The following ZNF254 variants were observed in gnomAD, a reference collection of about 807,000 sequenced individuals.
ZNF254 encodes the protein CTD-2017D11.1.
ZNF254 carries 10 observed loss-of-function variants against 12.4 expected under a neutral mutation model. The observed-to-expected ratio is 0.80, with a 90% CI of 0.50 to 1.36. ZNF254 has a LOEUF of 1.36. Among genes scored for constraint, ZNF254 ranks in the 40% most tolerant of loss-of-function variants. ZNF254 has a pLI of 0.00. For synonymous variants in ZNF254, 305 were observed against 253.4 expected, an observed-to-expected ratio of 1.20 and a Z score of -1.93; for missense variants, 996 against 763.9, an observed-to-expected ratio of 1.30 and a Z score of -3.58.
intron 1 of ZNF254, among the ~76,000 whole-genome samples, chr19:24,103,063 A>G (rs537524982): frequency 6.6e-6 from 1 of 152,320 alleles, no homozygotes; most frequent in African/African-American, 2.4e-5. Flanking sequence ...CTTAATAAAC[A>G]TTGCATTAAT....
At chr19:24,116,575 G>A (rs965278882) in intron 3 of ZNF254, among the ~76,000 whole-genome samples, 1 of 151,684 alleles carries the variant, frequency 6.6e-6, no homozygotes, top group African/African-American at 2.4e-5. Flanking sequence ...CTCTATATTG[G>A]TTATTCTAGG....
chr19:24,057,190 T>G (rs1320228421), intron 2 of ZNF254, among the ~76,000 whole-genome samples: 1 of 152,224 alleles, frequency 6.6e-6, no homozygotes, highest in East Asian at 1.9e-4. Context: ...TTGTGATTTA[T>G]GTATGCACAC....
intron 2 of ZNF254, chr19:24,080,198 C>CA (rs1971799095): frequency 6.6e-6 from 1 of 152,164 alleles, no homozygotes; most frequent in South Asian, 2.1e-4. Flanking sequence ...CCACAAGTTG[C>CA]AGGTCTTGGT....
At chr19:24,065,562 C>T (rs56024829) in intron 2 of ZNF254, 22,585 of 152,148 alleles carry the variant, frequency 0.15, 1,935 homozygotes, top group Middle Eastern at 0.23. Flanking sequence ...TAATTCATTA[C>T]TGGACATTCC....
intron 3 of ZNF254, chr19:24,107,480 T>C (rs1448382188): frequency 3.1e-6 from 1 of 319,062 alleles, no homozygotes; most frequent in Admixed American, 5.0e-5. Flanking sequence ...TTTCCTCTAT[T>C]TTATCAGATA....
At chr19:24,047,458 G>A (rs575421710) in intron 2 of ZNF254, among the ~76,000 whole-genome samples, 1 of 151,588 alleles carries the variant, frequency 6.6e-6, no homozygotes, top group Admixed American at 6.6e-5. Flanking sequence ...TAGTAGAGAC[G>A]AGGCCTCGCT....
rs1287266615 is a variant in ZNF254, at chr19:24,126,335, A to G, written c.335A>G (p.Tyr112Cys). 6.2e-7 allele frequency: 1 copy of G among 1,607,792 alleles called. No homozygotes were observed. Among genetic ancestry groups the G allele is most frequent in the Admixed American group, 1.7e-5 (1 of 59,296 alleles). The stretch of plus-strand genomic sequence containing the variant: ...TTTCAAAAAGCAATACTGAGAAGAT[A>G]TGGAAAATATGGACATGAGAATTTA... ...DSFQKAILRRYGKYGHENLQL... is the reference protein window; with the variant it reads ...DSFQKAILRRCGKYGHENLQL... The change falls in exon 4 of 4, where the codon TAT becomes TGT. Residue 112 changes from tyrosine (Y) to cysteine (C), a missense_variant. Coordinates refer to ENST00000357002, the MANE Select transcript of ZNF254 (RefSeq NM_203282.4).
At chr19:24,077,577 A>C (rs1039748496) in intron 2 of ZNF254, among the ~76,000 whole-genome samples, 10 of 152,222 alleles carry the variant, frequency 6.6e-5, no homozygotes, top group African/African-American at 2.4e-4. Flanking sequence ...GGGATGTTCC[A>C]AGCATCAGCT....
In ZNF254 at chr19:24,127,326, A is replaced by G. The variant is rs779781684; in HGVS notation, c.1326A>G (p.Ala442=). ...ACAAGTGTGAAGAATGTGGCAAAGCATTTATCTGGTCCTCAACCCTTACTA... is the reference window on the plus strand; with the variant it reads ...ACAAGTGTGAAGAATGTGGCAAAGCGTTTATCTGGTCCTCAACCCTTACTA... ...KPYKCEECGK[A]FIWSSTLTKH... Residue 442 remains alanine (A), a synonymous_variant, in exon 4 of 4, where the codon GCA becomes GCG. Transcript: ENST00000357002. 49 of 1,611,458 alleles carry G rather than the reference A, an allele frequency of 3.0e-5. No individual in the cohort carries two copies. Among genetic ancestry groups the G allele is most frequent in the Non-Finnish European group, 4.2e-5 (49 of 1,179,206 alleles).
intron 1 of ZNF254, among the ~76,000 whole-genome samples, chr19:24,035,567 G>A (rs1599558209): frequency 6.6e-6 from 1 of 152,118 alleles, no homozygotes; most frequent in African/African-American, 2.4e-5. Context: ...CAGCTATTCG[G>A]GAAGCTGAGG....
chr19:24,103,102 A>C (rs1973129313), intron 1 of ZNF254, among the ~76,000 whole-genome samples: 1 of 152,234 alleles, frequency 6.6e-6, no homozygotes, highest in South Asian at 2.1e-4. Context: ...TTCCAAATGC[A>C]GACTTACTCA....
intron 1 of ZNF254, among the ~76,000 whole-genome samples, chr19:24,041,048 C>G (rs551304045): frequency 5.3e-5 from 8 of 152,340 alleles, no homozygotes; most frequent in Admixed American, 2.6e-4. Flanking sequence ...ATATGCACAT[C>G]GAAGCTTGAG....
chr19:24,034,877 G>C (rs371119306), intron 1 of ZNF254, among the ~76,000 whole-genome samples: 1 of 148,470 alleles, frequency 6.7e-6, no homozygotes, highest in Non-Finnish European at 1.5e-5. Context: ...TCCGCCTCCC[G>C]GGTTCAAGCG....
At chr19:24,045,683 A>AT (rs1363937814) in intron 1 of ZNF254, among the ~76,000 whole-genome samples, 11 of 143,182 alleles carry the variant, frequency 7.7e-5, no homozygotes, top group African/African-American at 2.8e-4. Context: ...AAAAAAAAAA[A>AT]AAAAGGAAAT....
At position 24,126,780 on chromosome 19, in the gene ZNF254, T is replaced by G. The variant is rs1974882215; in HGVS notation, c.780T>G (p.His260Gln). ...CCCTTACTACACATGAAATAATTCA[T>G]GCTGGAGAGAAACTCTACAAATGTG... is the stretch of plus-strand genomic sequence containing the variant. ...LSTLTTHEII[H>Q]AGEKLYKCEE... Residue 260 changes from histidine to glutamine, a missense_variant, in exon 4 of 4, where the codon CAT (histidine) becomes CAG (glutamine). Physicochemically the swap from His to Gln is conservative, Grantham distance 24 (BLOSUM62 0). Transcript: ENST00000357002. 9 of 1,613,248 alleles carry G rather than the reference T, an allele frequency of 5.6e-6. No individual in the cohort carries two copies. The highest frequency in any genetic ancestry group is 2.2e-5 in the South Asian group (2 of 90,992).
At chr19:24,036,742 C>T (rs1176083455) in intron 1 of ZNF254, among the ~76,000 whole-genome samples, 2 of 152,086 alleles carry the variant, frequency 1.3e-5, no homozygotes, top group Non-Finnish European at 2.9e-5. Flanking sequence ...TCCTGTGATT[C>T]CAGATCTCTT....
chr19:24,120,654 TTTGTTGTTGTTG>T (rs143574815), intron 3 of ZNF254, among the ~76,000 whole-genome samples: 3 of 151,254 alleles, frequency 2.0e-5, no homozygotes, highest in Non-Finnish European at 4.4e-5. Flanking sequence ...TTAGCATTTC[TTTGTTGTTGTTG>T]TTGTTGTTGT....
chr19:24,094,324 A>G (rs887154704), intron 1 of ZNF254, among the ~76,000 whole-genome samples: 5 of 152,128 alleles, frequency 3.3e-5, no homozygotes, highest in African/African-American at 1.2e-4. Flanking sequence ...GTGAAGTGGC[A>G]GTCTTGGCTC....
intron 2 of ZNF254, chr19:24,063,951 C>T (rs543303971): frequency 2.0e-5 from 3 of 152,214 alleles, no homozygotes; most frequent in South Asian, 2.1e-4. Context: ...GGTAAATGCC[C>T]GTTTTACCTA....
Sources: gnomAD v4.1 joint callset for allele counts (sites outside exome capture counted in the v4.1 genomes callset) on GRCh38, gnomAD v4.1.1 for gene constraint, MANE v1.5 for transcripts, NCBI Gene and HGNC (gene_info 2026-07-23, HGNC 2026-07-21) for gene names.